The following HIBCH variants were observed in gnomAD, a reference collection of about 807,000 sequenced individuals.
HIBCH encodes the protein 3-hydroxyisobutyryl-CoA hydrolase, also known as 3-hydroxyisobutyryl-CoA hydrolase, mitochondrial.
Under a neutral mutation model 58.2 loss-of-function variants are expected in HIBCH, and 50 were observed. The ratio of observed to expected loss-of-function variants is 0.86; its 90% CI spans 0.68 to 1.09. The LOEUF (loss-of-function observed/expected upper bound fraction) is 1.09, where lower values mean the gene tolerates loss of function less well. HIBCH is among the 50% of genes least tolerant of loss of function. The pLI is 0.00. For synonymous variants in HIBCH, 151 were observed against 146.9 expected, an observed-to-expected ratio of 1.03 and a Z score of -0.20; for missense variants, 450 against 449.7, an observed-to-expected ratio of 1.00 and a Z score of -0.01.
intron 1 of HIBCH, among the ~76,000 whole-genome samples, chr2:190,192,148 G>C (rs1197587692): frequency 6.6e-6 from 1 of 152,042 alleles, no homozygotes. Context: ...GGTATAAGTA[G>C]ATTTTGGTGG....
At chr2:190,288,004 A>G (rs1364036819) in intron 5 of HIBCH, among the ~76,000 whole-genome samples, 1 of 152,012 alleles carries the variant, frequency 6.6e-6, no homozygotes, top group Non-Finnish European at 1.5e-5. Context: ...AAAAAAGTAT[A>G]GCCAGGTGTG....
intron 1 of HIBCH, among the ~76,000 whole-genome samples, chr2:190,196,104 A>AG (rs1195838950): frequency 5.3e-5 from 8 of 151,990 alleles, no homozygotes; most frequent in Admixed American, 4.6e-4. Flanking sequence ...TTCACATGGA[A>AG]GGCTTTTTCA....
intron 4 of HIBCH, among the ~76,000 whole-genome samples, chr2:190,293,908 GAC>G (rs1326711500): frequency 1.3e-5 from 2 of 151,318 alleles, no homozygotes; most frequent in Non-Finnish European, 2.9e-5. Flanking sequence ...AATGTGTATA[GAC>G]AGACTGACCT....
chr2:190,289,056 A>C (rs1687900783), intron 5 of HIBCH, among the ~76,000 whole-genome samples: 1 of 152,218 alleles, frequency 6.6e-6, no homozygotes, highest in African/African-American at 2.4e-5. Context: ...GGCTGCAGTG[A>C]GCCAAGATCG....
intron 5 of HIBCH, among the ~76,000 whole-genome samples, chr2:190,289,346 GAATTT>G (rs1479751586): frequency 3.3e-5 from 5 of 151,898 alleles, no homozygotes; most frequent in Non-Finnish European, 7.4e-5. Flanking sequence ...GACAAAAACT[GAATTT>G]ATTTTTCCAA....
intron 6 of HIBCH, among the ~76,000 whole-genome samples, chr2:190,286,827 T>C (rs570140414): frequency 3.3e-5 from 5 of 150,310 alleles, no homozygotes; most frequent in African/African-American, 9.8e-5. Context: ...GAGTAACAGG[T>C]ACAATTTAGG....
chr2:190,264,778 C>T lies in HIBCH; in HGVS notation c.439-3544G>A, dbSNP rs114513847. ...GCATATGTTTTGGTGCAAAAGTGCACACATTTTGGTCAGATATATACCAGG... is the reference window on the plus strand; with the variant it reads ...GCATATGTTTTGGTGCAAAAGTGCATACATTTTGGTCAGATATATACCAGG... On this transcript the variant is annotated intron_variant, in intron 6 of 13. Transcript: ENST00000359678. Among the ~76,000 whole-genome samples, 1,016 of 152,164 alleles carry T rather than the reference C, an allele frequency of 6.7e-3. 11 individuals carry two copies. Among genetic ancestry groups the T allele is most frequent in the African/African-American group, 0.022 (923 of 41,526 alleles).
intron 1 of HIBCH, among the ~76,000 whole-genome samples, chr2:190,190,522 C>T (rs1378760410): frequency 6.6e-6 from 1 of 152,142 alleles, no homozygotes; most frequent in East Asian, 1.9e-4. Flanking sequence ...TATTGGTATA[C>T]AGATTTTTAA....
chr2:190,294,711 C>T (rs967033587), intron 3 of HIBCH, 81 bp from the exon 4 acceptor site: 13 of 861,636 alleles, frequency 1.5e-5, no homozygotes, highest in Non-Finnish European at 2.6e-5. Flanking sequence ...CACATATATT[C>T]AATCATATAT....
In HIBCH at chr2:190,281,576, C is replaced by T. The variant is rs1035499637; in HGVS notation, c.438+6010G>A. On this transcript the variant is annotated intron_variant, in intron 6 of 13. Transcript: ENST00000359678. The surrounding 1 kb of genome is among the most constrained non-coding windows in gnomAD (Gnocchi z 5.4). ...CTCCCATTGTCTTGATATTCCCTTC[C>T]ATTAAGTATTACTCTCTTTAGCAAA... 1.3e-5 allele frequency among the ~76,000 whole-genome samples: 2 copies of T among 152,190 alleles called. No individual in the cohort carries two copies. The highest frequency in any genetic ancestry group is 4.8e-5 in the African/African-American group (2 of 41,440).
intron 2 of HIBCH, among the ~76,000 whole-genome samples, chr2:190,299,115 A>G (rs1307039428): frequency 1.3e-5 from 2 of 152,242 alleles, no homozygotes; most frequent in African/African-American, 4.8e-5. Flanking sequence ...AAAGTGTGCA[A>G]TGTAAAATTG....
intron 2 of HIBCH, among the ~76,000 whole-genome samples, chr2:190,299,053 A>G (rs771415549): frequency 2.5e-4 from 38 of 152,184 alleles, no homozygotes; most frequent in Middle Eastern, 3.4e-3. Flanking sequence ...TGGCACCACC[A>G]TTCTTAACAC....
chr2:190,257,738 G>C (rs1430435040), intron 7 of HIBCH, among the ~76,000 whole-genome samples: 2 of 152,230 alleles, frequency 1.3e-5, no homozygotes, highest in East Asian at 3.9e-4. Flanking sequence ...GGGCCTTCTT[G>C]GTGCATCATC....
Position 190,209,373 on chromosome 2 carries a change from A to T in HIBCH, c.1012-460T>A, listed in dbSNP as rs2105898800. Reference sequence around the variant, plus strand: ...TGCTGCAGAAAATCATACAACTGTGACTGGTTTCATTTAAAATTCATGATC... The same window carrying T: ...TGCTGCAGAAAATCATACAACTGTGTCTGGTTTCATTTAAAATTCATGATC... On this transcript the variant is annotated intron_variant, in intron 12 of 13. Transcript: ENST00000359678. The surrounding 1 kb of genome is among the most constrained non-coding windows in gnomAD (Gnocchi z 5.6). 6.6e-6 allele frequency among the ~76,000 whole-genome samples: 1 copy of T among 152,314 alleles called. No homozygotes were observed. Among genetic ancestry groups the T allele is most frequent in the African/African-American group, 2.4e-5 (1 of 41,562 alleles).
chr2:190,283,877 T>C (rs921261756), intron 6 of HIBCH, among the ~76,000 whole-genome samples: 2 of 152,228 alleles, frequency 1.3e-5, no homozygotes, highest in Non-Finnish European at 2.9e-5. Context: ...ACTAGTACCA[T>C]TCGAGAAGCA....
chr2:190,223,611 G>C (rs1349472366), intron 11 of HIBCH, among the ~76,000 whole-genome samples: 1 of 152,210 alleles, frequency 6.6e-6, no homozygotes, highest in African/African-American at 2.4e-5. Context: ...GAAACTCAAA[G>C]AGGGAGAAAA....
intron 11 of HIBCH, among the ~76,000 whole-genome samples, chr2:190,238,321 T>C (rs1686344193): frequency 6.6e-6 from 1 of 152,240 alleles, no homozygotes; most frequent in Non-Finnish European, 1.5e-5. Flanking sequence ...CTCTGCATCC[T>C]TGCCAGTATC....
At chr2:190,251,168 T>A (rs1445927075) in intron 8 of HIBCH, among the ~76,000 whole-genome samples, 2 of 152,216 alleles carry the variant, frequency 1.3e-5, no homozygotes, top group Non-Finnish European at 2.9e-5. Context: ...TTTGAGTGTT[T>A]ACTATTTGTC....
In HIBCH at chr2:190,319,813, C is replaced by A; in HGVS notation, c.-63G>T. 6.3e-7 allele frequency: 1 copy of A among 1,576,662 alleles called. No homozygotes were observed. The highest frequency in any genetic ancestry group is 8.6e-7 in the Non-Finnish European group (1 of 1,159,508). On this transcript the variant is annotated 5_prime_UTR_variant, in exon 1 of 14. Coordinates refer to ENST00000359678, the MANE Select transcript of HIBCH (RefSeq NM_014362.4). ...TCTCCCGGACCGTTCCAGCGCCTCG[C>A]GTGAGCCCCGCCCACCGCCGTCCTG... is the stretch of plus-strand genomic sequence containing the variant.
Sources: allele counts gnomAD v4.1 joint callset (sites outside exome capture counted in the v4.1 genomes callset), GRCh38; gene constraint gnomAD v4.1.1; non-coding constraint Gnocchi (gnomAD v3.1); transcripts MANE v1.5; gene names NCBI Gene and HGNC (gene_info 2026-07-23, HGNC 2026-07-21).